The following TACR3 variants were observed in gnomAD, a reference collection of about 807,000 sequenced individuals.
The protein encoded by TACR3 is neuromedin-K receptor.
A neutral mutation model predicts 35.0 loss-of-function variants in TACR3; 34 were observed. The observed-to-expected ratio is 0.97, with a 90% CI of 0.74 to 1.30. The LOEUF is 1.30. Among genes scored for constraint, TACR3 ranks in the 50% most tolerant of loss-of-function variants. The pLI is 0.00. For synonymous variants in TACR3, 233 were observed against 221.1 expected, an observed-to-expected ratio of 1.05 and a Z score of -0.48; for missense variants, 558 against 591.7, an observed-to-expected ratio of 0.94 and a Z score of 0.59.
rs1723778072 is a variant in TACR3, at chr4:103,586,694, TC to T, written c.*2987del. The T allele has an allele frequency of 6.6e-6, 1 of 151,980 alleles. No individual in the cohort carries two copies. The highest frequency in any genetic ancestry group is 2.4e-5 in the African/African-American group (1 of 41,380). The allele number at this position is 151,980 out of a possible 1,614,324, so 9.4% of individuals were successfully genotyped here. On this transcript the variant is annotated 3_prime_UTR_variant, in exon 5 of 5. Coordinates refer to ENST00000304883, the MANE Select transcript of TACR3 (RefSeq NM_001059.3). ...AAAGGACATGAATTCAGCTGCTGGGTCAGAAATGTCACCATCATGAAGTTAG... is the reference window on the plus strand; with the variant it reads ...AAAGGACATGAATTCAGCTGCTGGGTAGAAATGTCACCATCATGAAGTTAG...
intron 1 of TACR3, among the ~76,000 whole-genome samples, chr4:103,682,296 A>AAGAT (rs1722117331): frequency 6.6e-6 from 1 of 152,086 alleles, no homozygotes. Context: ...CACTGCTATA[A>AAGAT]AGATACTACC....
chr4:103,708,049 T>A (rs1056812004), intron 1 of TACR3, among the ~76,000 whole-genome samples: 1 of 152,208 alleles, frequency 6.6e-6, no homozygotes, highest in Non-Finnish European at 1.5e-5. Flanking sequence ...GAGGCCTGCC[T>A]GCCTCTGTAG....
intron 3 of TACR3, among the ~76,000 whole-genome samples, chr4:103,638,656 C>T (rs1725269162): frequency 6.6e-6 from 1 of 152,076 alleles, no homozygotes. Flanking sequence ...AACAGACAAC[C>T]TACAGAATGG....
intron 1 of TACR3, among the ~76,000 whole-genome samples, chr4:103,677,296 T>C (rs1160323199): frequency 6.7e-6 from 1 of 148,176 alleles, no homozygotes; most frequent in Admixed American, 6.7e-5. Flanking sequence ...TGGAAGACGG[T>C]GTGGTGATTC....
At chr4:103,685,948 T>C (rs1306348335) in intron 1 of TACR3, among the ~76,000 whole-genome samples, 1 of 152,158 alleles carries the variant, frequency 6.6e-6, no homozygotes, top group East Asian at 1.9e-4. Flanking sequence ...GGGCTGACTT[T>C]GTTTAGTGAA....
chr4:103,638,172 C>G (rs1725242392), intron 3 of TACR3, among the ~76,000 whole-genome samples: 1 of 151,924 alleles, frequency 6.6e-6, no homozygotes, highest in Non-Finnish European at 1.5e-5. Flanking sequence ...AGGCATCACA[C>G]TACCTGACTT....
chr4:103,653,722 C>T (rs1382520097), intron 3 of TACR3, among the ~76,000 whole-genome samples: 1 of 151,926 alleles, frequency 6.6e-6, no homozygotes, highest in Non-Finnish European at 1.5e-5. Flanking sequence ...TAAAGAGCTT[C>T]TGCACAGCAA....
chr4:103,659,082 C>T (rs1035680204), intron 1 of TACR3, among the ~76,000 whole-genome samples: 2 of 152,074 alleles, frequency 1.3e-5, no homozygotes, highest in African/African-American at 4.8e-5. Flanking sequence ...TGCCGCTGAC[C>T]TGACAGGAGG....
At chr4:103,678,036 T>C (rs764291235) in intron 1 of TACR3, among the ~76,000 whole-genome samples, 1 of 152,158 alleles carries the variant, frequency 6.6e-6, no homozygotes, top group Non-Finnish European at 1.5e-5. Context: ...TAATGTAGCA[T>C]AGGTTATCTT....
intron 3 of TACR3, among the ~76,000 whole-genome samples, chr4:103,614,948 G>C (rs1270702188): frequency 8.2e-6 from 1 of 121,236 alleles, no homozygotes; most frequent in Non-Finnish European, 1.6e-5. Flanking sequence ...AGTCTGGAGT[G>C]CAGTGGCGCG....
chr4:103,698,565 T>C lies in TACR3; in HGVS notation c.548+20563A>G, dbSNP rs114806998. On this transcript the variant is annotated intron_variant, in intron 1 of 4. Coordinates refer to ENST00000304883, the MANE Select transcript of TACR3 (RefSeq NM_001059.3). The stretch of plus-strand genomic sequence containing the variant: ...TCTTTTTTTTCTTTTTTTGGTAAAA[T>C]AAAGAACATTAAAAACACTTCTGGA... Among the ~76,000 whole-genome samples the C allele has an allele frequency of 4.1e-3, 619 of 152,114 alleles. 3 individuals carry two copies. The highest frequency in any genetic ancestry group is 0.014 in the African/African-American group (602 of 41,520).
At chr4:103,632,235 A>G (rs1725083439) in intron 3 of TACR3, among the ~76,000 whole-genome samples, 1 of 152,174 alleles carries the variant, frequency 6.6e-6, no homozygotes, top group Non-Finnish European at 1.5e-5. Context: ...GACAGAAAAC[A>G]TTGAAACAAA....
At chr4:103,658,511 T>TA in intron 1 of TACR3, 108 bp from the exon 2 acceptor site, 1 of 1,069,712 alleles carries the variant, frequency 9.3e-7, no homozygotes, top group Non-Finnish European at 1.4e-6. Flanking sequence ...GTCATTGCTC[T>TA]TTTGGGAAAC....
intron 1 of TACR3, among the ~76,000 whole-genome samples, chr4:103,714,683 G>C (rs771522298): frequency 1.2e-4 from 18 of 152,240 alleles, no homozygotes; most frequent in Middle Eastern, 3.4e-3. Flanking sequence ...TGCATGGAAA[G>C]TGACTTTTCC....
At chr4:103,593,289 T>A (rs1367840278) in intron 3 of TACR3, 2 of 152,134 alleles carry the variant, frequency 1.3e-5, no homozygotes, top group Non-Finnish European at 2.9e-5. Context: ...TATTTACAGA[T>A]AAAAACATCT....
In TACR3 at chr4:103,695,711, CTGTGTGTGTGTG is replaced by C. The variant is rs10603685; in HGVS notation, c.548+23405_548+23416del. On this transcript the variant is annotated intron_variant, in intron 1 of 4. Coordinates refer to ENST00000304883, the MANE Select transcript of TACR3 (RefSeq NM_001059.3). ...ACAGAATATAGATATGTCTCTCTCT[CTGTGTGTGTGTG>C]TGTGTGTGTGTGTGTGTGTGTAAAG... Among the ~76,000 whole-genome samples, 8 of 146,196 alleles carry C rather than the reference CTGTGTGTGTGTG, an allele frequency of 5.5e-5. No homozygotes were observed. The South Asian group carries it at 6.6e-4, about 12-fold the overall frequency.
At chr4:103,689,014 G>A (rs999568342) in intron 1 of TACR3, among the ~76,000 whole-genome samples, 1 of 151,930 alleles carries the variant, frequency 6.6e-6, no homozygotes, top group African/African-American at 2.4e-5. Flanking sequence ...GTCCAACAAC[G>A]ATAGACTGGA....
At chr4:103,673,999 G>A (rs1404535914) in intron 1 of TACR3, among the ~76,000 whole-genome samples, 2 of 152,136 alleles carry the variant, frequency 1.3e-5, no homozygotes, top group African/African-American at 4.8e-5. Flanking sequence ...GATGAAAAGG[G>A]AGTGGCAAAC....
At chr4:103,679,679 C>T (rs891970379) in intron 1 of TACR3, among the ~76,000 whole-genome samples, 1 of 151,890 alleles carries the variant, frequency 6.6e-6, no homozygotes, top group African/African-American at 2.4e-5. Flanking sequence ...TTTAAAATAA[C>T]TCCCTTTAAA....
Sources: allele counts gnomAD v4.1 joint callset (sites outside exome capture counted in the v4.1 genomes callset), GRCh38; gene constraint gnomAD v4.1.1; transcripts MANE v1.5; gene names NCBI Gene and HGNC (gene_info 2026-07-23, HGNC 2026-07-21).